GPAT3: variants seen among roughly 807,000 people sequenced by gnomAD.
GPAT3 encodes the protein 1-AGP acyltransferase 9.
In GPAT3, 53 loss-of-function variants were observed where a neutral mutation model predicts 58.8. The observed-to-expected ratio is 0.90, with a 90% confidence interval of 0.72 to 1.13. The LOEUF is 1.13. Among genes scored for constraint, GPAT3 ranks in the 50% most tolerant of loss-of-function variants. The pLI is 0.00. For missense variants in GPAT3, 511 were observed against 527.6 expected, an observed-to-expected ratio of 0.97 and a Z score of 0.31; for synonymous variants, 197 against 187.4, an observed-to-expected ratio of 1.05 and a Z score of -0.42.
rs754486371 is a variant in GPAT3 at position 83,536,601 on chromosome 4, T to G, written c.-22T>G. On this transcript the variant is annotated 5_prime_UTR_variant, in exon 1 of 12. Coordinates refer to ENST00000264409, the MANE Select transcript of GPAT3 (RefSeq NM_032717.5). ...CGCTCGGCCCTCCACTGCGGACCTC[T>G]CCTGAGTGGGTGCGCCGAGTCATGG... is the stretch of plus-strand genomic sequence containing the variant. The G allele has an allele frequency of 9.9e-6, 16 of 1,609,802 alleles. No homozygotes were observed. The Admixed American group carries it at 2.5e-4, about 25-fold the overall frequency.
rs1241312053 is a variant in GPAT3 at position 83,539,054 on chromosome 4, C to T, written c.141+2291C>T. Among the ~76,000 whole-genome samples, 4 of 152,314 alleles carry T rather than the reference C, an allele frequency of 2.6e-5. No individual in the cohort carries two copies. In the East Asian group the frequency reaches 7.7e-4, roughly 29 times the overall value. On this transcript the variant is annotated intron_variant, in intron 1 of 11. Coordinates refer to ENST00000264409, the MANE Select transcript of GPAT3 (RefSeq NM_032717.5). ...AGCTGTGATCCCATAGTGATTTCTG[C>T]TTTAGGTGCAGGAGAACAGTAACCC...
chr4:83,598,751 C>CTTTAT, intron 11 of GPAT3, 28 bp downstream of exon 11: 2 of 150,718 alleles, frequency 1.3e-5, no homozygotes, highest in Non-Finnish European at 2.5e-5. Context: ...AGTACTATCA[C>CTTTAT]TTTTTTTTTT....
At chr4:83,559,596 C>T (rs776058829) in intron 2 of GPAT3, among the ~76,000 whole-genome samples, 3 of 152,106 alleles carry the variant, frequency 2.0e-5, no homozygotes, top group African/African-American at 4.8e-5. Flanking sequence ...AGTGTGGGAT[C>T]GCAAGCGTGA....
At chr4:83,579,083 C>CTTTCTTTCTTTCTTTCTTTCTTTCTTCCT (rs1725996126) in intron 2 of GPAT3, among the ~76,000 whole-genome samples, 1 of 48,166 alleles carries the variant, frequency 2.1e-5, no homozygotes, top group African/African-American at 6.4e-5. Context: ...TCTTTCTTCC[C>CTTTCTTTCTTTCTTTCTTTCTTTCTTCCT]TTCCTTCCTT....
At chr4:83,587,450 G>A (rs908818942) in intron 4 of GPAT3, 121 bp downstream of exon 4, 13 of 936,866 alleles carry the variant, frequency 1.4e-5, no homozygotes, top group Admixed American at 1.1e-4. Context: ...TTTTTGAGAC[G>A]GAGTCTCGTA....
At chr4:83,603,955 G>A (rs1727162738) in intron 11 of GPAT3, among the ~76,000 whole-genome samples, 1 of 152,074 alleles carries the variant, frequency 6.6e-6, no homozygotes. Context: ...AAATTTTCCT[G>A]TGGTTTTCTA....
At chr4:83,574,288 T>C (rs1725705531) in intron 2 of GPAT3, among the ~76,000 whole-genome samples, 1 of 152,218 alleles carries the variant, frequency 6.6e-6, no homozygotes, top group African/African-American at 2.4e-5. Context: ...GCTTTACAAC[T>C]GGAGGACAGA....
upstream of GPAT3, chr4:83,535,940 C>T (rs1236307968): frequency 9.1e-6 from 9 of 985,442 alleles, no homozygotes; most frequent in Non-Finnish European, 1.1e-5. Flanking sequence ...CCTGAAAGGA[C>T]CTTTGCTGAG....
At position 83,536,680 on chromosome 4, in the gene GPAT3, G is replaced by C. The variant is rs1450969979; in HGVS notation, c.58G>C (p.Gly20Arg). 6.2e-7 allele frequency: 1 copy of C among 1,613,618 alleles called. No homozygotes were observed. Among genetic ancestry groups the C allele is most frequent in the Non-Finnish European group, 8.5e-7 (1 of 1,179,970 alleles). The change falls in exon 1 of 12, where the codon GGC (glycine) becomes CGC (arginine). Residue 20 changes from glycine to arginine, a missense_variant. Gly to Arg is a moderately radical substitution (Grantham distance 125). Coordinates refer to ENST00000264409, the MANE Select transcript of GPAT3 (RefSeq NM_032717.5). Reference protein sequence around the residue: ...ILSTWLTLVLGFILLPSVFGV... With the variant: ...ILSTWLTLVLRFILLPSVFGV... ...TTCCACCTGGCTGACGCTGGTTCTCGGCTTCATCCTTTTACCTTCGGTCTT... is the reference window on the plus strand; with the variant it reads ...TTCCACCTGGCTGACGCTGGTTCTCCGCTTCATCCTTTTACCTTCGGTCTT...
chr4:83,587,233 G>A, intron 3 of GPAT3, 22 bp from the exon 4 acceptor site: 1 of 1,602,920 alleles, frequency 6.2e-7, no homozygotes, highest in Non-Finnish European at 8.5e-7. Context: ...AATCTTATAT[G>A]GCCCTCTCTT....
chr4:83,565,260 C>A (rs1725338630), intron 2 of GPAT3, among the ~76,000 whole-genome samples: 1 of 151,824 alleles, frequency 6.6e-6, no homozygotes, highest in South Asian at 2.1e-4. Context: ...ACCACTATGC[C>A]TGGCTAATTT....
chr4:83,598,826 T>C lies in GPAT3; in HGVS notation c.1205+103T>C, dbSNP rs1184415393. 4 of 796,148 alleles carry C rather than the reference T, an allele frequency of 5.0e-6. No homozygotes were observed. In the African/African-American group the frequency reaches 7.7e-5, roughly 15 times the overall value. The allele number at this position is 796,148 out of a possible 1,614,324, so 49.3% of individuals were successfully genotyped here. On this transcript the variant is annotated intron_variant, in intron 11 of 11. Transcript: ENST00000264409. The stretch of plus-strand genomic sequence containing the variant: ...CTCTTTTACCCAGGCTGGAGTGCAG[T>C]AGCATGATCATAGTTCACTGTAGCC...
intron 2 of GPAT3, among the ~76,000 whole-genome samples, chr4:83,563,264 G>T (rs1211848352): frequency 6.6e-6 from 1 of 151,990 alleles, no homozygotes; most frequent in African/African-American, 2.4e-5. Flanking sequence ...TTTTAAAAAC[G>T]TTTTAATTTT....
chr4:83,591,326 G>A (rs1560629025), intron 6 of GPAT3, among the ~76,000 whole-genome samples: 3 of 152,192 alleles, frequency 2.0e-5, no homozygotes, highest in Non-Finnish European at 2.9e-5. Context: ...TCTGCTTATT[G>A]CCATGTGTTT....
At position 83,578,942 on chromosome 4, in the gene GPAT3, CTTT is replaced by C. The variant is rs1560620429; in HGVS notation, c.209-2618_209-2616del. Among the ~76,000 whole-genome samples, 3 of 3,762 alleles carry C rather than the reference CTTT, an allele frequency of 8.0e-4. No homozygotes were observed. In the Admixed American group the frequency reaches 9.7e-3, roughly 12 times the overall value. The allele number at this position is 3,762 out of a possible 152,430, so 2.5% of individuals were successfully genotyped here. A position where few individuals can be genotyped will look rare whatever the true frequency, so the allele number is the denominator to read the frequency against. On this transcript the variant is annotated intron_variant, in intron 2 of 11. Transcript: ENST00000264409. Reference sequence around the variant, plus strand: ...TTTCTTTTCTTTCTTTCTTTCTTTTCTTTTCTTTTCTTTCTTTCTTTCTTTCTT... The same window carrying C: ...TTTCTTTTCTTTCTTTCTTTCTTTTCTCTTTTCTTTCTTTCTTTCTTTCTT...
At chr4:83,542,041 T>TG (rs112957670) in intron 1 of GPAT3, among the ~76,000 whole-genome samples, 3,177 of 152,256 alleles carry the variant, frequency 0.021, 110 homozygotes, top group African/African-American at 0.072. Context: ...TCTGAGGTAC[T>TG]GGGGGTTAGA....
chr4:83,542,813 C>T (rs1355011561), intron 1 of GPAT3, among the ~76,000 whole-genome samples: 2 of 151,662 alleles, frequency 1.3e-5, no homozygotes, highest in African/African-American at 2.4e-5. Context: ...CACTGGACAA[C>T]ATAGTGAAAC....
At chr4:83,582,728 T>TA (rs1726194327) in intron 3 of GPAT3, among the ~76,000 whole-genome samples, 1 of 152,178 alleles carries the variant, frequency 6.6e-6, no homozygotes, top group Non-Finnish European at 1.5e-5. Flanking sequence ...AGGGAAAGTA[T>TA]TGCTTAACTA....
At chr4:83,539,381 C>T (rs6815504) in intron 1 of GPAT3, among the ~76,000 whole-genome samples, 52,173 of 152,048 alleles carry the variant, frequency 0.34, 9,856 homozygotes, top group Middle Eastern at 0.5. Context: ...GGATATTTCT[C>T]AAGTTTCTTT....
Sources: gnomAD v4.1 joint callset for allele counts (sites outside exome capture counted in the v4.1 genomes callset) on GRCh38, gnomAD v4.1.1 for gene constraint, MANE v1.5 for transcripts, NCBI Gene and HGNC (gene_info 2026-07-23, HGNC 2026-07-21) for gene names.